Variants in CNBD1 observed in about 807,000 individuals in gnomAD.
CNBD1 encodes cyclic nucleotide-binding domain-containing protein 1.
A neutral mutation model predicts 54.4 loss-of-function variants in CNBD1; 71 were observed. The observed-to-expected ratio is 1.30, with a 90% confidence interval of 1.08 to 1.59. The LOEUF is 1.59. Ranked by LOEUF, CNBD1 falls within the 40% of genes most tolerant of loss-of-function variation. The pLI is 0.00. For synonymous variants in CNBD1, 182 were observed against 170.7 expected, an observed-to-expected ratio of 1.07 and a Z score of -0.51; for missense variants, 659 against 518.0, an observed-to-expected ratio of 1.27 and a Z score of -2.64.
intron 4 of CNBD1, among the ~76,000 whole-genome samples, chr8:87,150,628 T>C (rs1044069968): frequency 6.6e-6 from 1 of 152,200 alleles, no homozygotes; most frequent in Non-Finnish European, 1.5e-5. Context: ...GAGATTGAAC[T>C]CAACTCCTTT....
intron 4 of CNBD1, among the ~76,000 whole-genome samples, chr8:87,146,820 C>A (rs1159950892): frequency 6.6e-6 from 1 of 152,142 alleles, no homozygotes; most frequent in Non-Finnish European, 1.5e-5. Flanking sequence ...TAACCTCCTA[C>A]TGATTTCTCT....
chr8:87,387,822 C>T (rs1383469146), downstream of CNBD1, among the ~76,000 whole-genome samples: 2 of 152,136 alleles, frequency 1.3e-5, no homozygotes, highest in Non-Finnish European at 2.9e-5. Context: ...AGCACCACAC[C>T]ACACCTATTC....
At chr8:87,222,467 G>A (rs1257009200) in intron 5 of CNBD1, among the ~76,000 whole-genome samples, 1 of 152,110 alleles carries the variant, frequency 6.6e-6, no homozygotes, top group East Asian at 1.9e-4. Context: ...GATCCCAGAG[G>A]AGGCCTGTTA....
chr8:87,115,284 A>G (rs1319117106), intron 4 of CNBD1, among the ~76,000 whole-genome samples: 1 of 152,226 alleles, frequency 6.6e-6, no homozygotes, highest in Non-Finnish European at 1.5e-5. Context: ...ACTTATCACA[A>G]TAAAATCAGT....
intron 4 of CNBD1, among the ~76,000 whole-genome samples, chr8:87,177,854 T>C (rs1214304462): frequency 6.6e-6 from 1 of 152,202 alleles, no homozygotes; most frequent in Non-Finnish European, 1.5e-5. Context: ...TCTAACATAT[T>C]AGAAAGAAGA....
chr8:87,369,149 G>C (rs547844388), intron 10 of CNBD1, among the ~76,000 whole-genome samples: 3 of 151,584 alleles, frequency 2.0e-5, no homozygotes, highest in Non-Finnish European at 4.4e-5. Flanking sequence ...CTAGATTTTT[G>C]GCTAAATGAT....
At chr8:86,910,822 A>G (rs949580527) in intron 3 of CNBD1, among the ~76,000 whole-genome samples, 1 of 152,174 alleles carries the variant, frequency 6.6e-6, no homozygotes. Context: ...GAAAGGGAAA[A>G]GTTCTCTCCT....
intron 8 of CNBD1, among the ~76,000 whole-genome samples, chr8:87,346,120 C>A (rs1810171235): frequency 6.6e-6 from 1 of 152,046 alleles, no homozygotes; most frequent in South Asian, 2.1e-4. Flanking sequence ...TGGCTTACCA[C>A]AGCCTCTGCC....
At chr8:87,025,766 A>G (rs1367134196) in intron 4 of CNBD1, among the ~76,000 whole-genome samples, 2 of 152,200 alleles carry the variant, frequency 1.3e-5, no homozygotes, top group African/African-American at 2.4e-5. Context: ...CGGTGAGACC[A>G]CGAACCCACC....
intron 4 of CNBD1, among the ~76,000 whole-genome samples, chr8:87,024,660 TA>T (rs1427863776): frequency 6.6e-6 from 1 of 151,802 alleles, no homozygotes; most frequent in Admixed American, 6.6e-5. Flanking sequence ...CTTTTTAGAG[TA>T]AAAAAAAGTA....
intron 4 of CNBD1, among the ~76,000 whole-genome samples, chr8:87,035,754 G>A (rs1375753040): frequency 6.6e-6 from 1 of 152,130 alleles, no homozygotes; most frequent in South Asian, 2.1e-4. Flanking sequence ...TGTCTGGAGG[G>A]TGGATAGTCC....
intron 4 of CNBD1, among the ~76,000 whole-genome samples, chr8:87,018,157 C>T (rs566673451): frequency 1.3e-5 from 2 of 152,148 alleles, no homozygotes; most frequent in African/African-American, 2.4e-5. Flanking sequence ...GCAGAAGAAT[C>T]GCTTGAACCT....
chr8:87,309,383 AT>A (rs1468808797), intron 8 of CNBD1, among the ~76,000 whole-genome samples: 1 of 152,078 alleles, frequency 6.6e-6, no homozygotes, highest in Non-Finnish European at 1.5e-5. Flanking sequence ...TTGGTACCTA[AT>A]ATTTTAGCTG....
At chr8:86,907,220 T>A (rs1809031156) in intron 3 of CNBD1, among the ~76,000 whole-genome samples, 1 of 152,196 alleles carries the variant, frequency 6.6e-6, no homozygotes, top group Admixed American at 6.5e-5. Context: ...AGCAGGAGAT[T>A]CACTGAAATC....
At chr8:87,340,710 A>G (rs1810048164) in intron 8 of CNBD1, among the ~76,000 whole-genome samples, 1 of 152,074 alleles carries the variant, frequency 6.6e-6, no homozygotes, top group Admixed American at 6.5e-5. Context: ...TCTGCTGTTA[A>G]TCCCCTCTAG....
At chr8:87,415,053 G>A (rs1807813599) in intron 2 of CNBD1, among the ~76,000 whole-genome samples, 1 of 152,152 alleles carries the variant, frequency 6.6e-6, no homozygotes, top group South Asian at 2.1e-4. Context: ...TTCTGCAGAT[G>A]GCAAGAAATG....
At chr8:87,053,390 C>A (rs1160683706) in intron 4 of CNBD1, among the ~76,000 whole-genome samples, 1 of 152,216 alleles carries the variant, frequency 6.6e-6, no homozygotes, top group Non-Finnish European at 1.5e-5. Context: ...ATGATAAAAG[C>A]AATCCCAGTG....
intron 4 of CNBD1, among the ~76,000 whole-genome samples, chr8:87,140,661 T>A (rs1195177902): frequency 6.6e-6 from 1 of 152,186 alleles, no homozygotes; most frequent in Non-Finnish European, 1.5e-5. Context: ...GTGTTATAAA[T>A]TTTTTAAGTT....
intron 2 of CNBD1, among the ~76,000 whole-genome samples, chr8:87,413,380 C>G (rs1339420382): frequency 6.6e-6 from 1 of 152,000 alleles, no homozygotes; most frequent in Non-Finnish European, 1.5e-5. Flanking sequence ...TATTGTTTAA[C>G]TTTTAACACC....
Sources: allele counts gnomAD v4.1 joint callset (sites outside exome capture counted in the v4.1 genomes callset), GRCh38; gene constraint gnomAD v4.1.1; transcripts MANE v1.5; gene names NCBI Gene and HGNC (gene_info 2026-07-23, HGNC 2026-07-21).